Variants in NCKAP5 observed in about 807,000 individuals in gnomAD.
NCKAP5 encodes the protein nck-associated protein 5.
In NCKAP5, 92 loss-of-function variants were observed where a neutral mutation model predicts 167.0. That is an observed-to-expected ratio of 0.55 (90% CI 0.47 to 0.66). NCKAP5 has a LOEUF of 0.66. Ranked by LOEUF, NCKAP5 falls within the 30% of genes least tolerant of loss-of-function variation. The pLI, the probability that NCKAP5 is intolerant of heterozygous loss-of-function variation, is 0.00. For synonymous variants in NCKAP5, 891 were observed against 877.4 expected, an observed-to-expected ratio of 1.02 and a Z score of -0.27; for missense variants, 2,378 against 2,315.0, an observed-to-expected ratio of 1.03 and a Z score of -0.56.
chr2:133,078,248 G>GTAAATAATTTGTAA (rs2080678914), intron 6 of NCKAP5, among the ~76,000 whole-genome samples: 1 of 152,186 alleles, frequency 6.6e-6, no homozygotes, highest in Non-Finnish European at 1.5e-5. Flanking sequence ...TAAATAAAAT[G>GTAAATAATTTGTAA]AAGATATTAA....
intron 4 of NCKAP5, among the ~76,000 whole-genome samples, chr2:133,247,605 C>T (rs1246191302): frequency 6.6e-6 from 1 of 152,156 alleles, no homozygotes; most frequent in Non-Finnish European, 1.5e-5. Context: ...GGGACAACAT[C>T]CATGAATAGT....
At chr2:132,756,398 T>A (rs941814969) in intron 16 of NCKAP5, among the ~76,000 whole-genome samples, 1 of 152,110 alleles carries the variant, frequency 6.6e-6, no homozygotes, top group African/African-American at 2.4e-5. Flanking sequence ...CATTAGAGTG[T>A]ATCTAGAATA....
chr2:133,522,949 G>A (rs1401468965), intron 2 of NCKAP5, among the ~76,000 whole-genome samples: 1 of 152,150 alleles, frequency 6.6e-6, no homozygotes, highest in Admixed American at 6.5e-5. Context: ...GAAGAAAACG[G>A]TCATGGAGTT....
intron 3 of NCKAP5, among the ~76,000 whole-genome samples, chr2:133,379,087 A>G (rs919234807): frequency 2.1e-4 from 32 of 152,288 alleles, no homozygotes; most frequent in African/African-American, 7.7e-4. Context: ...ATAATGATAG[A>G]ACTCTATTTA....
intron 4 of NCKAP5, among the ~76,000 whole-genome samples, chr2:133,295,381 G>A (rs879683353): frequency 1.1e-4 from 16 of 151,934 alleles, no homozygotes; most frequent in South Asian, 2.1e-4. Context: ...TTGCATATAC[G>A]CAGCACATGT....
intron 3 of NCKAP5, among the ~76,000 whole-genome samples, chr2:133,414,391 T>C (rs528365149): frequency 2.0e-5 from 3 of 152,292 alleles, no homozygotes; most frequent in Non-Finnish European, 2.9e-5. Flanking sequence ...GGTTTCCACA[T>C]GGTAAATTAC....
intron 19 of NCKAP5, among the ~76,000 whole-genome samples, chr2:132,694,486 G>C (rs1015618398): frequency 3.0e-5 from 4 of 132,914 alleles, no homozygotes; most frequent in Non-Finnish European, 6.9e-5. Context: ...TTAGTCCCAA[G>C]GCTTTCTTTC....
intron 5 of NCKAP5, among the ~76,000 whole-genome samples, chr2:133,131,329 T>A (rs2082595928): frequency 6.6e-6 from 1 of 152,164 alleles, no homozygotes; most frequent in Non-Finnish European, 1.5e-5. Flanking sequence ...TTGCAAGCCA[T>A]GTCCTCTACA....
intron 3 of NCKAP5, among the ~76,000 whole-genome samples, chr2:133,428,893 G>A (rs1306050350): frequency 1.3e-5 from 2 of 152,070 alleles, no homozygotes; most frequent in Non-Finnish European, 2.9e-5. Context: ...AAAAGTGTTG[G>A]GAACTAGGCA....
At chr2:132,850,623 C>T (rs756009813) in intron 11 of NCKAP5, among the ~76,000 whole-genome samples, 1 of 152,058 alleles carries the variant, frequency 6.6e-6, no homozygotes, top group Non-Finnish European at 1.5e-5. Flanking sequence ...TGGGAAATGG[C>T]ATATTTGACC....
At chr2:133,001,552 G>A (rs777591661) in intron 6 of NCKAP5, among the ~76,000 whole-genome samples, 4 of 152,046 alleles carry the variant, frequency 2.6e-5, no homozygotes, top group Admixed American at 6.6e-5. Context: ...ATACATTGAG[G>A]TTCCATGAGA....
chr2:133,156,287 C>T (rs1359474190), intron 5 of NCKAP5, among the ~76,000 whole-genome samples: 1 of 152,142 alleles, frequency 6.6e-6, no homozygotes, highest in South Asian at 2.1e-4. Flanking sequence ...TCCCAGGAAC[C>T]CAGACGCATA....
intron 8 of NCKAP5, among the ~76,000 whole-genome samples, chr2:132,888,670 C>CGT (rs1692445082): frequency 6.6e-6 from 1 of 152,146 alleles, no homozygotes; most frequent in Admixed American, 6.5e-5. Flanking sequence ...GGATTACAGG[C>CGT]GTGAGCCACT....
intron 3 of NCKAP5, among the ~76,000 whole-genome samples, chr2:133,491,691 G>T (rs36117077): frequency 0.17 from 26,106 of 152,046 alleles, 2,702 homozygotes; most frequent in Non-Finnish European, 0.24. Context: ...AGACGTGAAG[G>T]AATAGCCAGC....
At chr2:133,285,052 T>C (rs2090058990) in intron 4 of NCKAP5, among the ~76,000 whole-genome samples, 1 of 152,172 alleles carries the variant, frequency 6.6e-6, no homozygotes, top group Admixed American at 6.5e-5. Flanking sequence ...CCCTCTATCA[T>C]ATATACGTAT....
chr2:133,581,207 A>G, the NCKAP5 span, among the ~76,000 whole-genome samples: 1 of 152,134 alleles, frequency 6.6e-6, no homozygotes, highest in African/African-American at 2.4e-5. Flanking sequence ...TTAAAAGTAA[A>G]CTTGGGAAGG....
At chr2:133,232,582 C>T (rs923546804) in intron 4 of NCKAP5, among the ~76,000 whole-genome samples, 3 of 152,058 alleles carry the variant, frequency 2.0e-5, no homozygotes, top group African/African-American at 4.8e-5. Flanking sequence ...ACAATAAGAC[C>T]GTTGTGTGTG....
chr2:133,549,483 T>G (rs1687078037), intron 2 of NCKAP5, among the ~76,000 whole-genome samples: 1 of 143,720 alleles, frequency 7.0e-6, no homozygotes, highest in South Asian at 2.3e-4. Flanking sequence ...AACAACCTGC[T>G]CCTGAATGAC....
At chr2:132,740,953 C>A (rs1679132592) in intron 16 of NCKAP5, among the ~76,000 whole-genome samples, 1 of 152,064 alleles carries the variant, frequency 6.6e-6, no homozygotes, top group African/African-American at 2.4e-5. Flanking sequence ...AAGTTGGTAT[C>A]CAGTGACTCC....
Sources: gnomAD v4.1 joint callset for allele counts (sites outside exome capture counted in the v4.1 genomes callset) on GRCh38, gnomAD v4.1.1 for gene constraint, MANE v1.5 for transcripts, NCBI Gene and HGNC (gene_info 2026-07-23, HGNC 2026-07-21) for gene names.